Variants in OTOF observed in about 807,000 individuals in gnomAD.
The protein encoded by OTOF is otoferlin, also known as fer-1-like family member 2.
Under a neutral mutation model 236.8 loss-of-function variants are expected in OTOF, and 218 were observed. The ratio of observed to expected loss-of-function variants is 0.92; its 90% CI spans 0.82 to 1.03. The LOEUF (loss-of-function observed/expected upper bound fraction) is 1.03. OTOF is among the 50% of genes least tolerant of loss of function. The probability of loss-of-function intolerance (pLI) is 0.00; values close to 1 mark genes in which losing one functional copy is unlikely to be tolerated. For missense variants in OTOF, 2,590 were observed against 2,694.4 expected (o/e 0.96, Z 0.86); for synonymous variants, 1,041 against 1,072.5 (o/e 0.97, Z 0.57).
In OTOF at chr2:26,482,559, G is replaced by T. The variant is rs573354216; in HGVS notation, c.1426C>A (p.Pro476Thr). 1 of 1,613,240 alleles carries T rather than the reference G, an allele frequency of 6.2e-7. No homozygotes were observed. The highest frequency in any genetic ancestry group is 8.5e-7 in the Non-Finnish European group (1 of 1,179,978). ...AAGACGACCTGCTCATTCCACAGGG[G>T]CTCATAGCTGCTCTTCTGCACTGAA... is the stretch of plus-strand genomic sequence containing the variant. Reference protein sequence around the residue: ...KTSVQKSSYEPLWNEQVVFTD... With the variant: ...KTSVQKSSYETLWNEQVVFTD... Residue 476 changes from proline to threonine, a missense_variant, in exon 14 of 47, where the codon CCC becomes ACC. Physicochemically the swap from Pro to Thr is conservative, Grantham distance 38 (BLOSUM62 -1). Coordinates refer to ENST00000272371, the MANE Select transcript of OTOF (RefSeq NM_194248.3).
At chr2:26,558,256 GT>G (rs1262441583) in intron 1 of OTOF, among the ~76,000 whole-genome samples, 1 of 152,088 alleles carries the variant, frequency 6.6e-6, no homozygotes, top group Non-Finnish European at 1.5e-5. Context: ...GAACTGGCAT[GT>G]TGGCAAGCAC....
At chr2:26,515,671 G>T (rs1269624515) in intron 5 of OTOF, among the ~76,000 whole-genome samples, 2 of 152,124 alleles carry the variant, frequency 1.3e-5, no homozygotes, top group African/African-American at 4.8e-5. Context: ...AACACACCCT[G>T]GTCCTTCAGA....
intron 18 of OTOF, among the ~76,000 whole-genome samples, chr2:26,478,274 A>T (rs1282275348): frequency 6.6e-6 from 1 of 152,226 alleles, no homozygotes; most frequent in Non-Finnish European, 1.5e-5. Flanking sequence ...CCTTGCAGAT[A>T]ACTGCAGACC....
Position 26,527,777 on chromosome 2 carries a change from G to A in OTOF, c.227+55C>T, listed in dbSNP as rs1879760. On this transcript the variant is annotated intron_variant, in intron 3 of 46. Coordinates refer to ENST00000272371, the MANE Select transcript of OTOF (RefSeq NM_194248.3). The stretch of plus-strand genomic sequence containing the variant: ...CAAACAGAGGGTAGCCCAAGGAGAA[G>A]AGCAGGCTCCCAGCCCGTCCAGGCC... 0.68 allele frequency: 877,185 copies of A among 1,287,706 alleles called. 301,505 individuals are homozygous for A. The highest frequency in any genetic ancestry group is 0.78 in the Middle Eastern group (4,324 of 5,512). 79.8% of individuals were successfully genotyped at this position (1,287,706 alleles called of 1,614,324 possible). A position where few individuals can be genotyped will look rare whatever the true frequency, so the allele number is the denominator to read the frequency against.
At chr2:26,505,025 C>T (rs1666212723) in intron 5 of OTOF, among the ~76,000 whole-genome samples, 1 of 152,180 alleles carries the variant, frequency 6.6e-6, no homozygotes, top group Non-Finnish European at 1.5e-5. Context: ...GAAAACCTTT[C>T]TGTCCTCAGG....
At chr2:26,527,139 T>G (rs1464906378) in intron 3 of OTOF, among the ~76,000 whole-genome samples, 2 of 152,252 alleles carry the variant, frequency 1.3e-5, no homozygotes, top group African/African-American at 4.8e-5. Context: ...ACTTCACTTG[T>G]GGAGTGCAAG....
chr2:26,477,100 A>G lies in OTOF; in HGVS notation c.2524-57T>C. On this transcript the variant is annotated intron_variant, in intron 21 of 46. Transcript: ENST00000272371. The surrounding 1 kb of genome is among the most constrained non-coding windows in gnomAD (Gnocchi z 4.7). ...GTAAGGGGGTCTAGCCTCCTGATTG[A>G]GCCCCCTGATCCTGAGGGGCCCCAG... 6.4e-7 allele frequency: 1 copy of G among 1,554,288 alleles called. No homozygotes were observed. The highest frequency in any genetic ancestry group is 1.1e-5 in the South Asian group (1 of 87,042).
chr2:26,547,966 A>G (rs1667373739), intron 1 of OTOF, among the ~76,000 whole-genome samples: 1 of 152,232 alleles, frequency 6.6e-6, no homozygotes, highest in Non-Finnish European at 1.5e-5. Context: ...TTTCTTTAAT[A>G]GATATGGAGG....
At position 26,460,332 on chromosome 2, in the gene OTOF, C is replaced by T; in HGVS notation, c.5814-127G>A. 1 of 804,998 alleles carries T rather than the reference C, an allele frequency of 1.2e-6. No individual in the cohort carries two copies. 49.9% of individuals were successfully genotyped at this position (804,998 alleles called of 1,614,324 possible). A position where few individuals can be genotyped will look rare whatever the true frequency, so the allele number is the denominator to read the frequency against. On this transcript the variant is annotated intron_variant, in intron 45 of 46. Transcript: ENST00000272371. The surrounding 1 kb of genome is among the most constrained non-coding windows in gnomAD (Gnocchi z 5.3). ...TGTGCAGTTCTAGGCACCCCTCTGG[C>T]CATCAAGGCTGGCCATGGCCCCAGA...
At chr2:26,538,099 C>T (rs1035871682) in intron 1 of OTOF, among the ~76,000 whole-genome samples, 4 of 152,240 alleles carry the variant, frequency 2.6e-5, no homozygotes, top group African/African-American at 9.6e-5. Flanking sequence ...TGTTCTTCCT[C>T]CATGGATCTC....
chr2:26,536,074 C>A (rs112296584), intron 2 of OTOF, among the ~76,000 whole-genome samples: 3,203 of 152,256 alleles, frequency 0.021, 73 homozygotes, highest in Non-Finnish European at 0.036. Context: ...CTATGGGAAA[C>A]TGGGCCAGGC....
At chr2:26,480,628 G>A (rs1665511704) in intron 15 of OTOF, among the ~76,000 whole-genome samples, 158 bp downstream of exon 15, 2 of 152,248 alleles carry the variant, frequency 1.3e-5, no homozygotes, top group Non-Finnish European at 2.9e-5. Context: ...TTGCGGGGCT[G>A]AGTGGGGGCC....
intron 31 of OTOF, 91 bp downstream of exon 31, chr2:26,471,030 C>T: frequency 6.6e-7 from 1 of 1,511,062 alleles, no homozygotes; most frequent in Non-Finnish European, 9.2e-7. Flanking sequence ...CTGGGGCTGG[C>T]TCTGTCCCTG....
At position 26,465,936 on chromosome 2, in the gene OTOF, C is replaced by A. The variant is rs745578714; in HGVS notation, c.4628+13G>T. ...GTAGGGGTGTGGCAGGGGAGGGCACCAAGAAGCCTTACTTCCCAAAGACAG... is the reference window on the plus strand; with the variant it reads ...GTAGGGGTGTGGCAGGGGAGGGCACAAAGAAGCCTTACTTCCCAAAGACAG... On this transcript the variant is annotated intron_variant, in intron 37 of 46. Coordinates refer to ENST00000272371, the MANE Select transcript of OTOF (RefSeq NM_194248.3). 4 of 1,614,170 alleles carry A rather than the reference C, an allele frequency of 2.5e-6. No homozygotes were observed. Among genetic ancestry groups the A allele is most frequent in the Non-Finnish European group, 3.4e-6 (4 of 1,180,024 alleles).
rs200914096 is a variant in OTOF, at chr2:26,467,323, C to T, written c.4227+42G>A. The T allele has an allele frequency of 5.9e-4, 954 of 1,613,740 alleles. 1 individual carries two copies. Among genetic ancestry groups the T allele is most frequent in the Non-Finnish European group, 7.1e-4 (836 of 1,180,006 alleles). On this transcript the variant is annotated intron_variant, in intron 34 of 46. Coordinates refer to ENST00000272371, the MANE Select transcript of OTOF (RefSeq NM_194248.3). ...CAGGATCACTGCGCCCCCCTCTTCC[C>T]GCCCCCACACACCCTAGAAGGGTCT...
In OTOF at chr2:26,500,535, G is replaced by A. The variant is rs563877182; in HGVS notation, c.765+1219C>T. Among the ~76,000 whole-genome samples, 56 of 152,240 alleles carry A rather than the reference G, an allele frequency of 3.7e-4. No homozygotes were observed. The South Asian group carries it at 0.011, about 31-fold the overall frequency. On this transcript the variant is annotated intron_variant, in intron 8 of 46. Transcript: ENST00000272371. ...GAAGTCTCAGGACACTTTGTGTTTG[G>A]GTTTTGGCAGAGGTGAGGGGCCGGC...
intron 15 of OTOF, 88 bp from the exon 16 acceptor site, chr2:26,480,399 G>A (rs72853742): frequency 7.1e-6 from 6 of 845,048 alleles, no homozygotes; most frequent in Admixed American, 1.8e-5. Flanking sequence ...CAGACAGGCC[G>A]TGGGGGTGGA....
intron 24 of OTOF, among the ~76,000 whole-genome samples, 153 bp downstream of exon 24, chr2:26,475,761 A>G (rs1032678614): frequency 2.0e-5 from 3 of 152,120 alleles, no homozygotes; most frequent in Non-Finnish European, 4.4e-5. Flanking sequence ...TGCTGCAGTT[A>G]TCTGCAGGGC....
In OTOF at chr2:26,460,817, C is replaced by T; in HGVS notation, c.5712+35G>A. 1 of 1,613,932 alleles carries T rather than the reference C, an allele frequency of 6.2e-7. No homozygotes were observed. Among genetic ancestry groups the T allele is most frequent in the Non-Finnish European group, 8.5e-7 (1 of 1,179,842 alleles). ...CCCTTGGCACCCCAGCCAGTCCCAG[C>T]CCTGCCTACTGCCCGAGCAGGAAGG... On this transcript the variant is annotated intron_variant, in intron 44 of 46. Transcript: ENST00000272371. The surrounding 1 kb of genome is among the most constrained non-coding windows in gnomAD (Gnocchi z 5.3).
Sources: gnomAD v4.1 joint callset for allele counts (sites outside exome capture counted in the v4.1 genomes callset) on GRCh38, gnomAD v4.1.1 for gene constraint, Gnocchi (gnomAD v3.1) non-coding constraint, MANE v1.5 for transcripts, NCBI Gene and HGNC (gene_info 2026-07-23, HGNC 2026-07-21) for gene names.